Variants in PPM1H observed in about 807,000 individuals in gnomAD.
The protein encoded by PPM1H is protein phosphatase 1H.
PPM1H carries 27 observed loss-of-function variants against 54.9 expected under a neutral mutation model. The observed-to-expected ratio is 0.49, with a 90% CI of 0.36 to 0.68. The LOEUF (loss-of-function observed/expected upper bound fraction) is 0.68, where lower values mean the gene tolerates loss of function less well. PPM1H is among the 30% of genes least tolerant of loss of function. The pLI, the probability that PPM1H is intolerant of heterozygous loss-of-function variation, is 0.00. For synonymous variants in PPM1H, 305 were observed against 270.8 expected (o/e 1.13, Z -1.24); for missense variants, 596 against 667.8 (o/e 0.89, Z 1.19).
chr12:62,905,965 A>C (rs1871291237), intron 1 of PPM1H, among the ~76,000 whole-genome samples: 1 of 152,188 alleles, frequency 6.6e-6, no homozygotes, highest in Admixed American at 6.5e-5. Context: ...ATTCTGGGAG[A>C]AGCACCATGC....
chr12:62,699,627 T>C lies in PPM1H; in HGVS notation c.1074-5628A>G, dbSNP rs755832666. On this transcript the variant is annotated intron_variant, in intron 6 of 9. Transcript: ENST00000228705. ...TATTAATGTTTAAAGAGGAGGTGTTTAGGATTTAAAAAGGCTGTCAACACT... is the reference window on the plus strand; with the variant it reads ...TATTAATGTTTAAAGAGGAGGTGTTCAGGATTTAAAAAGGCTGTCAACACT... Among the ~76,000 whole-genome samples, 3 of 152,342 alleles carry C rather than the reference T, an allele frequency of 2.0e-5. No homozygotes were observed. The South Asian group carries it at 6.2e-4, about 32-fold the overall frequency.
intron 1 of PPM1H, among the ~76,000 whole-genome samples, chr12:62,897,912 C>A (rs1409433920): frequency 6.6e-6 from 1 of 152,088 alleles, no homozygotes; most frequent in African/African-American, 2.4e-5. Context: ...AAAGCCAGTC[C>A]ATCACAAGTG....
At chr12:62,680,356 T>C (rs184130771) in intron 8 of PPM1H, among the ~76,000 whole-genome samples, 125 of 151,976 alleles carry the variant, frequency 8.2e-4, no homozygotes, top group African/African-American at 2.8e-3. Context: ...TTTCTTCCTT[T>C]CTTTCTTTCA....
At chr12:62,841,384 A>G (rs1228814363) in intron 1 of PPM1H, among the ~76,000 whole-genome samples, 2 of 152,220 alleles carry the variant, frequency 1.3e-5, no homozygotes, top group African/African-American at 2.4e-5. Flanking sequence ...AACATTATGT[A>G]AAATTCAAAT....
intron 4 of PPM1H, among the ~76,000 whole-genome samples, chr12:62,777,091 A>G (rs1311259368): frequency 6.6e-6 from 1 of 152,220 alleles, no homozygotes; most frequent in Non-Finnish European, 1.5e-5. Context: ...ATTCACAACC[A>G]CAATGACACT....
intron 2 of PPM1H, among the ~76,000 whole-genome samples, chr12:62,823,370 G>A (rs891588846): frequency 6.6e-5 from 10 of 152,172 alleles, no homozygotes; most frequent in African/African-American, 2.4e-4. Flanking sequence ...TAGAAAAAGA[G>A]GGAATTCTTC....
chr12:62,715,094 G>A (rs1256093558), intron 6 of PPM1H, among the ~76,000 whole-genome samples: 1 of 152,216 alleles, frequency 6.6e-6, no homozygotes, highest in Non-Finnish European at 1.5e-5. Flanking sequence ...GTGCCACAAA[G>A]CGAGCTGTGA....
At chr12:62,690,692 C>A (rs929955474) in intron 7 of PPM1H, among the ~76,000 whole-genome samples, 5 of 152,204 alleles carry the variant, frequency 3.3e-5, no homozygotes, top group Admixed American at 3.3e-4. Flanking sequence ...AAACTTGGGG[C>A]CACGTGCGGT....
chr12:62,880,362 T>A (rs1870347743), intron 1 of PPM1H, among the ~76,000 whole-genome samples: 1 of 152,182 alleles, frequency 6.6e-6, no homozygotes, highest in South Asian at 2.1e-4. Context: ...TTACTACACA[T>A]CTCAGAGATT....
At chr12:62,755,048 G>A (rs1359276565) in intron 4 of PPM1H, among the ~76,000 whole-genome samples, 3 of 152,164 alleles carry the variant, frequency 2.0e-5, no homozygotes, top group Admixed American at 6.5e-5. Context: ...GCCAAGGAGC[G>A]ACCTGGATGA....
At chr12:62,867,249 C>A (rs540059039) in intron 1 of PPM1H, among the ~76,000 whole-genome samples, 131 of 152,248 alleles carry the variant, frequency 8.6e-4, no homozygotes, top group Non-Finnish European at 1.6e-3. Flanking sequence ...AGCTTCAATG[C>A]CTTTATCTCC....
chr12:62,840,088 A>AGC (rs1868685382), intron 1 of PPM1H: 1 of 128,480 alleles, frequency 7.8e-6, no homozygotes, highest in African/African-American at 3.7e-5. Context: ...AGAGAGAGCG[A>AGC]GAGAAATAAA....
At position 62,760,913 on chromosome 12, in the gene PPM1H, C is replaced by T. The variant is rs12306597; in HGVS notation, c.870-23327G>A. ...ACCACACACCAGTCATACTCTGCTCCGGGAAAAACCTTAAGTACTTGTGAC... is the reference window on the plus strand; with the variant it reads ...ACCACACACCAGTCATACTCTGCTCTGGGAAAAACCTTAAGTACTTGTGAC... On this transcript the variant is annotated intron_variant, in intron 4 of 9. Coordinates refer to ENST00000228705, the MANE Select transcript of PPM1H (RefSeq NM_020700.2). 6.0e-3 allele frequency among the ~76,000 whole-genome samples: 910 copies of T among 152,286 alleles called. 7 individuals are homozygous for T. The highest frequency in any genetic ancestry group is 0.021 in the African/African-American group (863 of 41,552).
intron 1 of PPM1H, among the ~76,000 whole-genome samples, chr12:62,919,842 C>T (rs1319281311): frequency 1.3e-5 from 2 of 151,930 alleles, no homozygotes; most frequent in African/African-American, 4.8e-5. Flanking sequence ...AAAAGGGCAG[C>T]GTGGCCAGGT....
At chr12:62,811,354 A>G (rs1012334793) in intron 2 of PPM1H, among the ~76,000 whole-genome samples, 1 of 152,224 alleles carries the variant, frequency 6.6e-6, no homozygotes, top group Non-Finnish European at 1.5e-5. Context: ...GTAATTACTT[A>G]TACTATTAAA....
Position 62,648,469 on chromosome 12 carries a change from C to T in PPM1H, c.*20G>A, listed in dbSNP as rs771347378. 14 of 1,613,306 alleles carry T rather than the reference C, an allele frequency of 8.7e-6. No individual in the cohort carries two copies. The African/African-American group carries it at 1.2e-4, about 14-fold the overall frequency. On this transcript the variant is annotated 3_prime_UTR_variant, in exon 10 of 10. Transcript: ENST00000228705. ...TCCCAGCTTTCTTCCCCTCTGTCCT[C>T]CCAATCCCCTGGGCCATTTTCATGA...
At chr12:62,800,249 C>A (rs2076758986) in intron 3 of PPM1H, among the ~76,000 whole-genome samples, 1 of 152,162 alleles carries the variant, frequency 6.6e-6, no homozygotes, top group East Asian at 1.9e-4. Flanking sequence ...GCACCATGTG[C>A]CTATCCGGTT....
intron 4 of PPM1H, among the ~76,000 whole-genome samples, chr12:62,781,080 A>T (rs934238703): frequency 6.6e-6 from 1 of 152,178 alleles, no homozygotes; most frequent in Non-Finnish European, 1.5e-5. Context: ...ACAATGACAG[A>T]CGAAAAGTCC....
chr12:62,750,174 G>A (rs2076434490), intron 4 of PPM1H, among the ~76,000 whole-genome samples: 1 of 151,788 alleles, frequency 6.6e-6, no homozygotes. Flanking sequence ...GTGTTTTTTG[G>A]TACATTCTCA....
Sources: allele counts gnomAD v4.1 joint callset (sites outside exome capture counted in the v4.1 genomes callset), GRCh38; gene constraint gnomAD v4.1.1; transcripts MANE v1.5; gene names NCBI Gene and HGNC (gene_info 2026-07-23, HGNC 2026-07-21).